Variants in SFI1 observed in about 807,000 individuals in gnomAD.
The protein encoded by SFI1 is protein SFI1 homolog.
Under a neutral mutation model 207.5 loss-of-function variants are expected in SFI1, and 195 were observed. That is an observed-to-expected ratio of 0.94 (90% CI 0.84 to 1.06). The LOEUF (loss-of-function observed/expected upper bound fraction) is 1.06. Among genes scored for constraint, SFI1 ranks in the 50% least tolerant of loss-of-function variants. The pLI, the probability that SFI1 is intolerant of heterozygous loss-of-function variation, is 0.00. For synonymous variants in SFI1, 630 were observed against 598.9 expected (o/e 1.05, Z -0.76); for missense variants, 1,634 against 1,588.0 (o/e 1.03, Z -0.49).
chr22:31,545,728 G>A (rs1221380828), intron 4 of SFI1, among the ~76,000 whole-genome samples: 1 of 150,402 alleles, frequency 6.6e-6, no homozygotes, highest in Non-Finnish European at 1.5e-5. Flanking sequence ...CTACTGGCGT[G>A]CACCACCATG....
chr22:31,582,345 G>A (rs7292915), intron 12 of SFI1, among the ~76,000 whole-genome samples: 8,137 of 137,476 alleles, frequency 0.059, 211 homozygotes, highest in Non-Finnish European at 0.066. Flanking sequence ...TCCACCTTCC[G>A]TGTTCAAACT....
chr22:31,568,887 A>G (rs890315241), intron 8 of SFI1, among the ~76,000 whole-genome samples: 3 of 152,224 alleles, frequency 2.0e-5, no homozygotes, highest in African/African-American at 7.2e-5. Context: ...TGAGCCCAGT[A>G]GATTGAAAAC....
intron 1 of SFI1, among the ~76,000 whole-genome samples, chr22:31,504,246 C>T (rs1601818674): frequency 6.6e-6 from 1 of 152,020 alleles, no homozygotes. Flanking sequence ...CAGTATTTCA[C>T]GAAAAATCAC....
chr22:31,534,620 C>T (rs868423891), intron 4 of SFI1, among the ~76,000 whole-genome samples: 12 of 152,088 alleles, frequency 7.9e-5, no homozygotes, highest in Admixed American at 4.6e-4. Flanking sequence ...TTTCCCAGCA[C>T]CTCAAAGATA....
intron 15 of SFI1, among the ~76,000 whole-genome samples, chr22:31,591,309 C>T (rs940151430): frequency 1.2e-4 from 18 of 152,208 alleles, no homozygotes; most frequent in African/African-American, 4.3e-4. Context: ...AACAGGATCC[C>T]AAGGCAGAGG....
intron 31 of SFI1, 68 bp from the exon 32 acceptor site, chr22:31,618,047 C>A (rs2072091352): frequency 6.0e-6 from 9 of 1,493,394 alleles, no homozygotes; most frequent in Non-Finnish European, 8.1e-6. Flanking sequence ...TGAGGTGCCT[C>A]TCCCTGAGCC....
intron 7 of SFI1, chr22:31,559,663 GGAT>G: frequency 1.3e-6 from 1 of 743,428 alleles, no homozygotes; most frequent in Non-Finnish European, 2.4e-6. Flanking sequence ...AACTCACTGA[GGAT>G]GAGATGGAAC....
chr22:31,591,353 T>C (rs189324701), intron 15 of SFI1, among the ~76,000 whole-genome samples: 3 of 152,264 alleles, frequency 2.0e-5, no homozygotes, highest in Middle Eastern at 3.4e-3. Context: ...ATGAAAAGTC[T>C]CCCATGTCTA....
intron 4 of SFI1, among the ~76,000 whole-genome samples, chr22:31,543,433 G>T (rs1009920916): frequency 6.6e-6 from 1 of 152,138 alleles, no homozygotes; most frequent in Non-Finnish European, 1.5e-5. Flanking sequence ...GGTATTTGTG[G>T]TGGTTCACTC....
At chr22:31,564,427 T>G (rs531331776) in intron 8 of SFI1, among the ~76,000 whole-genome samples, 5 of 151,306 alleles carry the variant, frequency 3.3e-5, no homozygotes, top group Non-Finnish European at 7.4e-5. Context: ...AAAAAAAAAT[T>G]AGCAGATAGC....
rs1359473268 is a variant in SFI1 at position 31,618,195 on chromosome 22, T to C, written c.3593T>C (p.Val1198Ala). ...GAGCCGGGGCCTGAGGACCAGGAAG[T>C]AGAGCAGCAGGTGCAGAAAGAGCTG... ...REEPGPEDQE[V>A]EQQVQKELEQ... The change falls in exon 32 of 33, where the codon GTA becomes GCA. Residue 1198 changes from valine to alanine, a missense_variant. Coordinates refer to ENST00000400288, the MANE Select transcript of SFI1 (RefSeq NM_001007467.3). The C allele has an allele frequency of 6.3e-7, 1 of 1,597,116 alleles. No homozygotes were observed. Among genetic ancestry groups the C allele is most frequent in the South Asian group, 1.1e-5 (1 of 88,052 alleles).
At chr22:31,510,924 C>T (rs1295831159) in intron 2 of SFI1, among the ~76,000 whole-genome samples, 2 of 152,130 alleles carry the variant, frequency 1.3e-5, no homozygotes, top group Non-Finnish European at 2.9e-5. Flanking sequence ...TCTCTTTTCT[C>T]ATTGGTTGAT....
At chr22:31,589,189 TGA>T (rs200986227) in intron 14 of SFI1, among the ~76,000 whole-genome samples, 6,881 of 135,964 alleles carry the variant, frequency 0.051, 132 homozygotes, top group African/African-American at 0.06. Context: ...AGAGAGTGAG[TGA>T]GAGTGTGTGT....
At chr22:31,603,218 G>GC (rs1286274485) in intron 17 of SFI1, among the ~76,000 whole-genome samples, 1 of 152,200 alleles carries the variant, frequency 6.6e-6, no homozygotes, top group African/African-American at 2.4e-5. Flanking sequence ...GTGCAACAGA[G>GC]CGAGACTCTG....
In SFI1 at chr22:31,613,831, C is replaced by T. The variant is rs2070834587; in HGVS notation, c.2972C>T (p.Ala991Val). The change falls in exon 27 of 33, where the codon GCT becomes GTT. Residue 991 changes from alanine (A) to valine (V), a missense_variant. By Grantham distance (64) the Ala-to-Val change is moderately conservative (BLOSUM62 0). Coordinates refer to ENST00000400288, the MANE Select transcript of SFI1 (RefSeq NM_001007467.3). ...RPLGALGRLA[A>V]EEPHALELNT... ...CTGGGAGCTCTGGGCCGCCTGGCTG[C>T]TGAGGAGCCCCACGCCCTGGAGCTG... 1 of 1,608,292 alleles carries T rather than the reference C, an allele frequency of 6.2e-7. No homozygotes were observed. Among genetic ancestry groups the T allele is most frequent in the Non-Finnish European group, 8.5e-7 (1 of 1,177,616 alleles).
intron 15 of SFI1, among the ~76,000 whole-genome samples, chr22:31,596,033 A>G (rs958485704): frequency 6.6e-6 from 1 of 152,062 alleles, no homozygotes; most frequent in Admixed American, 6.6e-5. Flanking sequence ...TGGGTGGATC[A>G]TTGGAGGTCA....
At chr22:31,525,857 C>A (rs2147221084) in intron 2 of SFI1, among the ~76,000 whole-genome samples, 1 of 152,216 alleles carries the variant, frequency 6.6e-6, no homozygotes, top group Non-Finnish European at 1.5e-5. Flanking sequence ...TTGGTTACTA[C>A]AGCTTTGTGG....
At chr22:31,562,961 C>T (rs2061872130) in intron 8 of SFI1, among the ~76,000 whole-genome samples, 1 of 144,190 alleles carries the variant, frequency 6.9e-6, no homozygotes, top group Non-Finnish European at 1.5e-5. Context: ...CCTAAGCAGC[C>T]AGAAAGCTGC....
intron 4 of SFI1, among the ~76,000 whole-genome samples, chr22:31,542,142 A>G (rs986279009): frequency 6.8e-6 from 1 of 147,046 alleles, no homozygotes; most frequent in Admixed American, 6.8e-5. Flanking sequence ...TTTAGGAGCC[A>G]GTCTCCTATA....
Sources: allele counts gnomAD v4.1 joint callset (sites outside exome capture counted in the v4.1 genomes callset), GRCh38; gene constraint gnomAD v4.1.1; transcripts MANE v1.5; gene names NCBI Gene and HGNC (gene_info 2026-07-23, HGNC 2026-07-21).